STAU1: variants seen among roughly 807,000 people sequenced by gnomAD.
STAU1 encodes double-stranded RNA-binding protein Staufen homolog 1.
In STAU1, 13 loss-of-function variants were observed where a neutral mutation model predicts 62.9. The ratio of observed to expected loss-of-function variants is 0.21; its 90% confidence interval spans 0.13 to 0.33. STAU1 has a LOEUF of 0.33. STAU1 is among the 10% of genes least tolerant of loss of function. The pLI, the probability that STAU1 is intolerant of heterozygous loss-of-function variation, is 1.00. For synonymous variants in STAU1, 269 were observed against 265.1 expected (o/e 1.01, Z -0.14); for missense variants, 571 against 712.1 (o/e 0.80, Z 2.25).
chr20:49,154,954 C>T (rs531167953), intron 3 of STAU1, among the ~76,000 whole-genome samples: 4 of 152,184 alleles, frequency 2.6e-5, no homozygotes, highest in African/African-American at 9.6e-5. Context: ...GGCATGGTGG[C>T]GCATGCCTGT....
chr20:49,180,337 C>T (rs1228270518), intron 1 of STAU1, among the ~76,000 whole-genome samples: 2 of 150,784 alleles, frequency 1.3e-5, no homozygotes, highest in African/African-American at 4.9e-5. Flanking sequence ...TTTTTTCCCC[C>T]CCTGGATACA....
In STAU1 at chr20:49,177,919, G is replaced by A. The variant is rs111630470; in HGVS notation, c.-159-3650C>T. Reference sequence around the variant, plus strand: ...GTTTTGGCCAGGTGTGGTGGCTCACGCCTGTAATCCCAACACTTTGGGAGG... The same window carrying A: ...GTTTTGGCCAGGTGTGGTGGCTCACACCTGTAATCCCAACACTTTGGGAGG... On this transcript the variant is annotated intron_variant, in intron 1 of 13. Coordinates refer to ENST00000371856, the MANE Select transcript of STAU1 (RefSeq NM_017453.4). Among the ~76,000 whole-genome samples the A allele has an allele frequency of 1.4e-4, 22 of 152,224 alleles. 2 individuals are homozygous for A. Among genetic ancestry groups the A allele is most frequent in the African/African-American group, 5.1e-4 (21 of 41,548 alleles).
At chr20:49,213,828 A>T in the STAU1 span, among the ~76,000 whole-genome samples, 2 of 152,228 alleles carry the variant, frequency 1.3e-5, no homozygotes, top group Non-Finnish European at 2.9e-5. Context: ...TAAAATGGAG[A>T]TGGAAAACTG....
chr20:49,138,657 C>A (rs2092942263), intron 5 of STAU1, among the ~76,000 whole-genome samples: 1 of 152,068 alleles, frequency 6.6e-6, no homozygotes, highest in African/African-American at 2.4e-5. Flanking sequence ...ATAGGCACCA[C>A]TCCCAGCTAT....
chr20:49,118,930 T>C (rs2092398656), intron 9 of STAU1, among the ~76,000 whole-genome samples: 1 of 152,218 alleles, frequency 6.6e-6, no homozygotes, highest in Non-Finnish European at 1.5e-5. Context: ...ACACTCTGAA[T>C]GTCCTACAAG....
At chr20:49,127,518 C>A (rs2092655794) in intron 6 of STAU1, among the ~76,000 whole-genome samples, 1 of 151,698 alleles carries the variant, frequency 6.6e-6, no homozygotes, top group South Asian at 2.1e-4. Flanking sequence ...CCAGCTTGGC[C>A]AACAGGGTGA....
chr20:49,210,617 C>A, the STAU1 span: 1 of 415,536 alleles, frequency 2.4e-6, no homozygotes, highest in Admixed American at 2.8e-5. Context: ...AAGGACTTGG[C>A]ACTTACACTT....
At chr20:49,150,611 T>C (rs919057006) in intron 5 of STAU1, among the ~76,000 whole-genome samples, 5 of 152,218 alleles carry the variant, frequency 3.3e-5, no homozygotes, top group African/African-American at 1.2e-4. Flanking sequence ...TCCACCCGCC[T>C]TGGCCTCCCA....
the STAU1 span, among the ~76,000 whole-genome samples, chr20:49,196,134 AG>A: frequency 4.0e-5 from 6 of 148,288 alleles, no homozygotes; most frequent in East Asian, 1.2e-3. Flanking sequence ...AAAAAAAAAA[AG>A]AAAGAAAGAG....
intron 5 of STAU1, among the ~76,000 whole-genome samples, chr20:49,145,423 CAAAAAAAAA>C (rs35023867): frequency 5.0e-5 from 2 of 40,148 alleles, no homozygotes; most frequent in East Asian, 9.1e-4. Context: ...GACTCCGTCT[CAAAAAAAAA>C]AAAAAAAAAA....
chr20:49,200,469 C>T, the STAU1 span, among the ~76,000 whole-genome samples: 40 of 151,954 alleles, frequency 2.6e-4, no homozygotes, highest in Non-Finnish European at 4.0e-4. Flanking sequence ...GGCGTGGTGG[C>T]GGGCGCCTGT....
chr20:49,187,398 A>G (rs2093801097), intron 1 of STAU1, among the ~76,000 whole-genome samples: 1 of 152,204 alleles, frequency 6.6e-6, no homozygotes, highest in Non-Finnish European at 1.5e-5. Context: ...GGCTCTGGAC[A>G]TGGGCACGCG....
At chr20:49,149,013 G>C (rs1568879250) in intron 5 of STAU1, among the ~76,000 whole-genome samples, 1 of 152,092 alleles carries the variant, frequency 6.6e-6, no homozygotes, top group Non-Finnish European at 1.5e-5. Context: ...CACTTTGGAA[G>C]GCCAAGGTGG....
At position 49,115,817 on chromosome 20, in the gene STAU1, T is replaced by C. The variant is rs199651056; in HGVS notation, c.1683A>G (p.Thr561=). 3.1e-6 allele frequency: 5 copies of C among 1,614,116 alleles called. No homozygotes were observed. The highest frequency in any genetic ancestry group is 3.3e-5 in the Admixed American group (2 of 60,022). ...KLLSELDQQS[T]EMPRTGNGPM... is the part of the protein sequence containing the mutation. ...GTCCGTTTCCTGTTCTTGGCATCTC[T>C]GTACTTTGTTGGTCCAACTCAGACA... Residue 561 remains threonine (T), a synonymous_variant, in exon 13 of 14, where the codon ACA becomes ACG. Coordinates refer to ENST00000371856, the MANE Select transcript of STAU1 (RefSeq NM_017453.4).
chr20:49,144,245 T>C (rs1282177153), intron 5 of STAU1, among the ~76,000 whole-genome samples: 4 of 152,172 alleles, frequency 2.6e-5, no homozygotes, highest in South Asian at 2.1e-4. Context: ...GAAATAAATG[T>C]TGGCGGCCAA....
intron 5 of STAU1, 102 bp from the exon 6 acceptor site, chr20:49,136,033 G>A: frequency 3.4e-6 from 3 of 873,904 alleles, no homozygotes; most frequent in South Asian, 1.7e-5. Context: ...GCTAAGGCAG[G>A]AGGATAGCTT....
chr20:49,197,705 G>A, the STAU1 span, among the ~76,000 whole-genome samples: 8 of 151,516 alleles, frequency 5.3e-5, no homozygotes, highest in African/African-American at 1.9e-4. Context: ...CTGGGCCTAC[G>A]ATTTTCATTT....
chr20:49,191,072 G>A (rs1236720376), upstream of STAU1, among the ~76,000 whole-genome samples: 1 of 150,988 alleles, frequency 6.6e-6, no homozygotes, highest in Non-Finnish European at 1.5e-5. Flanking sequence ...CAGTCACCCA[G>A]GCTAAAGTGC....
chr20:49,190,173 C>T (rs1346857405), upstream of STAU1, among the ~76,000 whole-genome samples: 3 of 152,174 alleles, frequency 2.0e-5, no homozygotes, highest in Non-Finnish European at 4.4e-5. Flanking sequence ...CCCAAAGCTG[C>T]GCACAATCAG....
Sources: gnomAD v4.1 joint callset for allele counts (sites outside exome capture counted in the v4.1 genomes callset) on GRCh38, gnomAD v4.1.1 for gene constraint, MANE v1.5 for transcripts, NCBI Gene and HGNC (gene_info 2026-07-23, HGNC 2026-07-21) for gene names.